RDH13: variants seen among roughly 807,000 people sequenced by gnomAD.
RDH13 encodes the protein retinol dehydrogenase 13 (all-trans and 9-cis).
RDH13 carries 35 observed loss-of-function variants against 28.3 expected under a neutral mutation model. The observed-to-expected ratio is 1.24, with a 90% CI of 0.95 to 1.64. The LOEUF is 1.64. Ranked by LOEUF, RDH13 falls within the 40% of genes most tolerant of loss-of-function variation. The pLI, the probability that RDH13 is intolerant of heterozygous loss-of-function variation, is 0.00. For missense variants in RDH13, 514 were observed against 446.3 expected (o/e 1.15, Z -1.37); for synonymous variants, 229 against 198.5 (o/e 1.15, Z -1.29).
intron 3 of RDH13, among the ~76,000 whole-genome samples, chr19:55,055,543 A>G (rs1302072852): frequency 2.0e-5 from 3 of 152,088 alleles, no homozygotes; most frequent in Non-Finnish European, 2.9e-5. Flanking sequence ...CACTTGATCA[A>G]TAAATGCTTA....
upstream of RDH13, among the ~76,000 whole-genome samples, chr19:55,068,119 C>G (rs971930183): frequency 2.0e-5 from 3 of 149,538 alleles, no homozygotes; most frequent in African/African-American, 7.4e-5. Flanking sequence ...CTGTTTCTCT[C>G]TTTCTCTTTC....
intron 1 of RDH13, among the ~76,000 whole-genome samples, chr19:55,061,845 C>T (rs1180530136): frequency 2.6e-5 from 4 of 150,944 alleles, no homozygotes; most frequent in Admixed American, 6.6e-5. Context: ...TGGCCGGGCA[C>T]GGTGGCTCAC....
At chr19:55,052,213 AGCCTGACC>A in intron 3 of RDH13, among the ~76,000 whole-genome samples, 1 of 151,188 alleles carries the variant, frequency 6.6e-6, no homozygotes, top group Middle Eastern at 3.4e-3. Context: ...GAGGTCAACC[AGCCTGACC>A]AACATGGTGA....
At chr19:55,064,616 T>G (rs1273279750), upstream of RDH13, among the ~76,000 whole-genome samples, 1 of 150,646 alleles carries the variant, frequency 6.6e-6, no homozygotes, top group Non-Finnish European at 1.5e-5. Flanking sequence ...TGTTTGTTTG[T>G]TTTGTTTTGT....
At chr19:55,042,197 C>T (rs566818736), downstream of RDH13, 1 of 151,412 alleles carries the variant, frequency 6.6e-6, no homozygotes, top group East Asian at 1.9e-4. Flanking sequence ...ACTTCCTTTG[C>T]TCATTTATCA....
intron 5 of RDH13, 115 bp from the exon 6 acceptor site, chr19:55,047,603 AC>A: frequency 1.4e-6 from 2 of 1,447,108 alleles, no homozygotes; most frequent in Middle Eastern, 1.9e-4. Context: ...CTGCACTCAA[AC>A]CCCATCGTCC....
At chr19:55,047,998 C>T in intron 5 of RDH13, 1 of 1,312,226 alleles carries the variant, frequency 7.6e-7, no homozygotes, top group Non-Finnish European at 1.0e-6. Context: ...CACTGTGTTT[C>T]CAGGCATTGA....
At chr19:55,067,075 G>C (rs548505593), upstream of RDH13, 1 of 152,312 alleles carries the variant, frequency 6.6e-6, no homozygotes, top group South Asian at 2.1e-4. Context: ...TAACTGGAAT[G>C]ATTGCTGTAG....
downstream of RDH13, among the ~76,000 whole-genome samples, chr19:55,043,582 C>T (rs796096198): frequency 3.9e-5 from 6 of 151,904 alleles, no homozygotes; most frequent in African/African-American, 1.4e-4. Flanking sequence ...GCATGAGAAT[C>T]GCTTGAACAT....
At chr19:55,040,094 G>A (rs1263371097), downstream of RDH13, among the ~76,000 whole-genome samples, 1 of 152,160 alleles carries the variant, frequency 6.6e-6, no homozygotes, top group Admixed American at 6.6e-5. Context: ...AAGTCTGGGG[G>A]ATCCATAGTG....
At chr19:55,066,697 CTT>C (rs556039941), upstream of RDH13, among the ~76,000 whole-genome samples, 59 of 150,696 alleles carry the variant, frequency 3.9e-4, no homozygotes, top group African/African-American at 1.3e-3. Context: ...CTCTCTCCTT[CTT>C]TCTTCCTCTC....
At chr19:55,064,720 C>T (rs867606928), upstream of RDH13, among the ~76,000 whole-genome samples, 4 of 150,780 alleles carry the variant, frequency 2.7e-5, no homozygotes, top group African/African-American at 4.9e-5. Flanking sequence ...TCAAGCGATT[C>T]TCCTGCCTCA....
chr19:55,061,963 C>G (rs2075820232), intron 1 of RDH13, among the ~76,000 whole-genome samples: 1 of 151,970 alleles, frequency 6.6e-6, no homozygotes, highest in Admixed American at 6.6e-5. Flanking sequence ...ACTAAAAATA[C>G]AAAATTAGAC....
intron 3 of RDH13, among the ~76,000 whole-genome samples, chr19:55,051,908 T>C (rs919358369): frequency 6.6e-6 from 1 of 151,812 alleles, no homozygotes; most frequent in Non-Finnish European, 1.5e-5. Context: ...CTTTTAAAAT[T>C]TTTTGTAGAA....
intron 1 of RDH13, chr19:55,068,731 G>C (rs1486163010): frequency 7.5e-6 from 1 of 132,488 alleles, no homozygotes; most frequent in Non-Finnish European, 1.6e-5. Flanking sequence ...AGCTACTCGG[G>C]AGGCTGAGGC....
In RDH13 at chr19:55,044,948, A is replaced by T; in HGVS notation, c.*126T>A. The T allele has an allele frequency of 1.5e-6, 1 of 686,614 alleles. No individual in the cohort carries two copies. The highest frequency in any genetic ancestry group is 2.4e-6 in the Non-Finnish European group (1 of 410,598). 42.5% of individuals were successfully genotyped at this position (686,614 alleles called of 1,614,324 possible). Reference sequence around the variant, plus strand: ...CGGCCAGCACCGCCCCCTAGAACCTACTGCGGGCATGGCGGCCGCCAGTCC... The same window carrying T: ...CGGCCAGCACCGCCCCCTAGAACCTTCTGCGGGCATGGCGGCCGCCAGTCC... On this transcript the variant is annotated 3_prime_UTR_variant, in exon 7 of 7. Transcript: ENST00000415061.
At chr19:55,041,135 A>C (rs2075017666), downstream of RDH13, 1 of 152,218 alleles carries the variant, frequency 6.6e-6, no homozygotes, top group Non-Finnish European at 1.5e-5. Context: ...TAAAATAAAT[A>C]AAAATAAAAC....
intron 3 of RDH13, among the ~76,000 whole-genome samples, chr19:55,052,751 T>A (rs1190477076): frequency 6.6e-6 from 1 of 150,626 alleles, no homozygotes; most frequent in Non-Finnish European, 1.5e-5. Context: ...AAGCTCCACC[T>A]CCCGGGTTCA....
At chr19:55,052,805 T>C (rs1325570929) in intron 3 of RDH13, among the ~76,000 whole-genome samples, 5 of 151,588 alleles carry the variant, frequency 3.3e-5, no homozygotes, top group African/African-American at 7.3e-5. Context: ...GGGTTACAGG[T>C]GCCCGCCACC....
Sources: gnomAD v4.1 joint callset for allele counts (sites outside exome capture counted in the v4.1 genomes callset) on GRCh38, gnomAD v4.1.1 for gene constraint, MANE v1.5 for transcripts, NCBI Gene and HGNC (gene_info 2026-07-23, HGNC 2026-07-21) for gene names.